RORA: variants seen among roughly 807,000 people sequenced by gnomAD.
The protein encoded by RORA is nuclear receptor ROR-alpha.
In RORA, 7 loss-of-function variants were observed where a neutral mutation model predicts 69.5. The ratio of observed to expected loss-of-function variants is 0.10; its 90% CI spans 0.06 to 0.19. The LOEUF is 0.19. Among genes scored for constraint, RORA ranks in the 10% least tolerant of loss-of-function variants. The pLI is 1.00. For missense variants in RORA, 457 were observed against 663.0 expected (o/e 0.69, Z 3.41); for synonymous variants, 261 against 240.8 (o/e 1.08, Z -0.78).
intron 1 of RORA, among the ~76,000 whole-genome samples, chr15:61,180,073 G>C (rs938143504): frequency 6.7e-6 from 1 of 149,996 alleles, no homozygotes; most frequent in African/African-American, 2.5e-5. Context: ...GAACCCAGGA[G>C]GCAGAGGCTG....
intron 1 of RORA, among the ~76,000 whole-genome samples, chr15:61,187,294 A>G (rs1409880638): frequency 6.6e-6 from 1 of 152,250 alleles, no homozygotes; most frequent in Non-Finnish European, 1.5e-5. Context: ...CAACATGTAC[A>G]GGCGGCCCGC....
At chr15:61,202,555 C>G (rs1437727583) in intron 1 of RORA, among the ~76,000 whole-genome samples, 1 of 152,064 alleles carries the variant, frequency 6.6e-6, no homozygotes, top group African/African-American at 2.4e-5. Flanking sequence ...TACACATACC[C>G]TAGGAGGGTA....
chr15:61,223,072 G>C (rs1596083856), intron 1 of RORA, among the ~76,000 whole-genome samples: 1 of 152,080 alleles, frequency 6.6e-6, no homozygotes, highest in South Asian at 2.1e-4. Context: ...CTAGCACTTT[G>C]GGAGGCCGAG....
At chr15:60,623,401 G>A (rs543044116) in intron 2 of RORA, among the ~76,000 whole-genome samples, 6 of 152,320 alleles carry the variant, frequency 3.9e-5, no homozygotes, top group African/African-American at 1.2e-4. Context: ...ATTTTTAAAA[G>A]CAGAAAGCAA....
chr15:61,193,377 T>A (rs2079818605), intron 1 of RORA, among the ~76,000 whole-genome samples: 1 of 152,178 alleles, frequency 6.6e-6, no homozygotes, highest in Non-Finnish European at 1.5e-5. Flanking sequence ...GAAGGAGGTG[T>A]CACATGAACC....
intron 1 of RORA, among the ~76,000 whole-genome samples, chr15:61,179,302 T>G (rs2079660317): frequency 6.6e-6 from 1 of 152,204 alleles, no homozygotes; most frequent in South Asian, 2.1e-4. Context: ...AGGGGTTACA[T>G]GATGTGTGAT....
rs898691925 is a variant in RORA, at chr15:61,128,205, G to T, written c.166+100848C>A. Among the ~76,000 whole-genome samples, 1 of 41,766 alleles carries T rather than the reference G, an allele frequency of 2.4e-5. No homozygotes were observed. The highest frequency in any genetic ancestry group is 4.9e-5 in the African/African-American group (1 of 20,406). 27.4% of individuals were successfully genotyped at this position (41,766 alleles called of 152,430 possible). A position where few individuals can be genotyped will look rare whatever the true frequency, so the allele number is the denominator to read the frequency against. On this transcript the variant is annotated intron_variant, in intron 1 of 10. Transcript: ENST00000335670. The surrounding 1 kb of genome is among the most constrained non-coding windows in gnomAD (Gnocchi z 4.5). The stretch of plus-strand genomic sequence containing the variant: ...AATTGCTGTGTGTGTGTATGCACAC[G>T]TGTGTGTGTGTGTGTGTGTCTGTGT...
intron 1 of RORA, among the ~76,000 whole-genome samples, chr15:61,095,847 C>T: frequency 6.6e-6 from 1 of 152,300 alleles, no homozygotes; most frequent in Middle Eastern, 3.4e-3. Context: ...CCCCTTGGGA[C>T]ACAAACTACT....
intron 1 of RORA, among the ~76,000 whole-genome samples, chr15:60,867,824 T>G (rs528323227): frequency 1.6e-4 from 25 of 152,300 alleles, no homozygotes; most frequent in African/African-American, 6.0e-4. Context: ...AACTGTGAAT[T>G]GACAATGTCT....
At chr15:60,521,415 T>C (rs574193472) in intron 3 of RORA, among the ~76,000 whole-genome samples, 1 of 151,986 alleles carries the variant, frequency 6.6e-6, no homozygotes, top group Admixed American at 6.6e-5. Context: ...CTAATTTTTG[T>C]ATTTTTAGTA....
chr15:61,060,992 G>A (rs893443590), intron 1 of RORA, among the ~76,000 whole-genome samples: 1 of 152,182 alleles, frequency 6.6e-6, no homozygotes, highest in Non-Finnish European at 1.5e-5. Context: ...TCTAAAAGCA[G>A]GTATCCTCAA....
chr15:60,538,810 A>C (rs972802380), intron 2 of RORA, among the ~76,000 whole-genome samples: 4 of 152,074 alleles, frequency 2.6e-5, no homozygotes, highest in African/African-American at 9.7e-5. Context: ...AGACATCCCA[A>C]GCCTTATTAT....
intron 1 of RORA, among the ~76,000 whole-genome samples, chr15:60,726,802 T>C (rs934253386): frequency 1.3e-5 from 2 of 152,088 alleles, no homozygotes; most frequent in South Asian, 2.1e-4. Flanking sequence ...TTGTATTACA[T>C]TGAGGAGCCC....
At chr15:61,114,917 C>A (rs778974619) in intron 1 of RORA, among the ~76,000 whole-genome samples, 45 of 152,342 alleles carry the variant, frequency 3.0e-4, no homozygotes, top group Admixed American at 1.0e-3. Context: ...ACTCCCTCAT[C>A]ATTAGAGTTA....
At chr15:60,753,106 C>T (rs1476932786) in intron 1 of RORA, among the ~76,000 whole-genome samples, 1 of 152,118 alleles carries the variant, frequency 6.6e-6, no homozygotes, top group Non-Finnish European at 1.5e-5. Flanking sequence ...AATAACAGCT[C>T]AGAAAACTGT....
Position 60,816,082 on chromosome 15 carries a change from G to A in RORA, c.167-137396C>T, listed in dbSNP as rs188758545. 5.5e-4 allele frequency among the ~76,000 whole-genome samples: 60 copies of A among 109,546 alleles called. 8 individuals are homozygous for A. Among genetic ancestry groups the A allele is most frequent in the African/African-American group, 9.3e-4 (25 of 26,952 alleles). The allele number at this position is 109,546 out of a possible 152,430, so 71.9% of individuals were successfully genotyped here. On this transcript the variant is annotated intron_variant, in intron 1 of 10. Coordinates refer to ENST00000335670, the MANE Select transcript of RORA (RefSeq NM_134261.3). ...TATTTATATACTATAAACAGTATAT[G>A]TATACTGTAAACAGTATATGTATTT...
At chr15:60,839,541 A>T (rs2073168420) in intron 1 of RORA, among the ~76,000 whole-genome samples, 1 of 152,234 alleles carries the variant, frequency 6.6e-6, no homozygotes, top group Non-Finnish European at 1.5e-5. Context: ...TCAAACTTGA[A>T]TGCAAGTCTG....
chr15:61,062,334 C>G (rs545586482), intron 1 of RORA, among the ~76,000 whole-genome samples: 3 of 152,318 alleles, frequency 2.0e-5, no homozygotes, highest in African/African-American at 7.2e-5. Context: ...CTCCCCTAGC[C>G]CCTAGCCTCA....
At chr15:60,627,519 G>A in intron 2 of RORA, 1 of 1,468,862 alleles carries the variant, frequency 6.8e-7, no homozygotes, top group Admixed American at 2.3e-5. Flanking sequence ...ATGCTCAGAG[G>A]CCCTGTGAAT....
Sources: allele counts gnomAD v4.1 joint callset (sites outside exome capture counted in the v4.1 genomes callset), GRCh38; gene constraint gnomAD v4.1.1; non-coding constraint Gnocchi (gnomAD v3.1); transcripts MANE v1.5; gene names NCBI Gene and HGNC (gene_info 2026-07-23, HGNC 2026-07-21).